The following CFAP299 variants were observed in gnomAD, a reference collection of about 807,000 sequenced individuals.
CFAP299 encodes the protein cilia- and flagella-associated protein 299.
CFAP299 carries 21 observed loss-of-function variants against 27.0 expected under a neutral mutation model. The ratio of observed to expected loss-of-function variants is 0.78; its 90% CI spans 0.55 to 1.12. CFAP299 has a LOEUF of 1.12. CFAP299 is among the 50% of genes most tolerant of loss of function. The pLI, the probability that CFAP299 is intolerant of heterozygous loss-of-function variation, is 0.00. For missense variants in CFAP299, 310 were observed against 276.6 expected (o/e 1.12, Z -0.86); for synonymous variants, 104 against 98.1 (o/e 1.06, Z -0.36).
intron 3 of CFAP299, among the ~76,000 whole-genome samples, chr4:80,710,790 C>A (rs907692422): frequency 6.6e-6 from 1 of 151,868 alleles, no homozygotes; most frequent in Non-Finnish European, 1.5e-5. Flanking sequence ...TCCATCAGAC[C>A]GTACACATAA....
chr4:80,869,487 C>A (rs923439021), intron 3 of CFAP299, among the ~76,000 whole-genome samples: 1 of 152,144 alleles, frequency 6.6e-6, no homozygotes, highest in African/African-American at 2.4e-5. Context: ...TTTCGTTTTT[C>A]AACTGGAATA....
intron 3 of CFAP299, among the ~76,000 whole-genome samples, chr4:80,807,462 A>T (rs1471104943): frequency 6.6e-6 from 1 of 152,128 alleles, no homozygotes; most frequent in Non-Finnish European, 1.5e-5. Flanking sequence ...GGTACCAGAG[A>T]AAGGTCAGAA....
intron 2 of CFAP299, among the ~76,000 whole-genome samples, chr4:80,561,224 C>G (rs934082499): frequency 1.3e-5 from 2 of 152,134 alleles, no homozygotes; most frequent in Non-Finnish European, 2.9e-5. Context: ...AAGGTGGTAC[C>G]TCTATGAGCC....
intron 2 of CFAP299, among the ~76,000 whole-genome samples, chr4:80,519,195 T>TATGA (rs1385345285): frequency 7.7e-6 from 1 of 130,464 alleles, no homozygotes; most frequent in East Asian, 3.0e-4. Context: ...TGTGTGTGTG[T>TATGA]GTATGTGTGT....
chr4:80,868,995 G>C (rs768218347), intron 3 of CFAP299, among the ~76,000 whole-genome samples: 4 of 150,370 alleles, frequency 2.7e-5, no homozygotes, highest in African/African-American at 2.4e-5. Context: ...ATGGTGAAAA[G>C]ATGTCCAGCA....
At chr4:80,695,771 C>T (rs1320469761) in intron 3 of CFAP299, among the ~76,000 whole-genome samples, 2 of 150,386 alleles carry the variant, frequency 1.3e-5, no homozygotes, top group Non-Finnish European at 2.9e-5. Flanking sequence ...CTTCTGGGCT[C>T]AAGTGGTCAT....
chr4:80,805,261 T>A lies in CFAP299; in HGVS notation c.334-64732T>A, dbSNP rs531163755. Among the ~76,000 whole-genome samples, 7 of 152,166 alleles carry A rather than the reference T, an allele frequency of 4.6e-5. No individual in the cohort carries two copies. The South Asian group carries it at 1.2e-3, about 27-fold the overall frequency. On this transcript the variant is annotated intron_variant, in intron 3 of 5. Coordinates refer to ENST00000358105, the MANE Select transcript of CFAP299 (RefSeq NM_152770.3). Reference sequence around the variant, plus strand: ...TAATATTGAGAGAGATAAAAGTCACTTCTACAAATTTTCACTATATTCTTT... The same window carrying A: ...TAATATTGAGAGAGATAAAAGTCACATCTACAAATTTTCACTATATTCTTT...
At chr4:80,829,396 G>A (rs1353134097) in intron 3 of CFAP299, among the ~76,000 whole-genome samples, 1 of 152,020 alleles carries the variant, frequency 6.6e-6, no homozygotes, top group African/African-American at 2.4e-5. Context: ...TCACCCATTA[G>A]GATGGATACT....
chr4:80,695,887 C>G lies in CFAP299; in HGVS notation c.333+112704C>G, dbSNP rs72864825. ...TGCCCAGGCTTGTCTCAAACTCAATCAATCTGCTTACCTTGGCTTCCCAAA... is the reference window on the plus strand; with the variant it reads ...TGCCCAGGCTTGTCTCAAACTCAATGAATCTGCTTACCTTGGCTTCCCAAA... On this transcript the variant is annotated intron_variant, in intron 3 of 5. Coordinates refer to ENST00000358105, the MANE Select transcript of CFAP299 (RefSeq NM_152770.3). Among the ~76,000 whole-genome samples, 454 of 152,152 alleles carry G rather than the reference C, an allele frequency of 3.0e-3. 1 individual carries two copies. Among genetic ancestry groups the G allele is most frequent in the African/African-American group, 0.011 (436 of 41,522 alleles).
intron 3 of CFAP299, among the ~76,000 whole-genome samples, chr4:80,729,920 T>A (rs1341716400): frequency 3.9e-5 from 6 of 152,058 alleles, no homozygotes; most frequent in Non-Finnish European, 8.8e-5. Context: ...TATTTTTAAA[T>A]TTAAGTTTAC....
At chr4:80,475,318 G>T (rs1202223187) in intron 2 of CFAP299, among the ~76,000 whole-genome samples, 1 of 152,228 alleles carries the variant, frequency 6.6e-6, no homozygotes, top group Non-Finnish European at 1.5e-5. Flanking sequence ...AGGCAGACCA[G>T]TTACCGGATA....
intron 4 of CFAP299, among the ~76,000 whole-genome samples, chr4:80,941,638 C>A (rs931228753): frequency 9.2e-5 from 14 of 152,178 alleles, no homozygotes; most frequent in African/African-American, 3.4e-4. Flanking sequence ...AAAGAAACAT[C>A]TGAGACTGGG....
chr4:80,439,750 G>T (rs1339126697), intron 2 of CFAP299, among the ~76,000 whole-genome samples: 7 of 152,152 alleles, frequency 4.6e-5, no homozygotes. Flanking sequence ...GTCTTGTTCA[G>T]CAGGTCCCAC....
chr4:80,641,232 T>C (rs1739710747), intron 3 of CFAP299, among the ~76,000 whole-genome samples: 1 of 152,082 alleles, frequency 6.6e-6, no homozygotes. Context: ...CGAGACAGAG[T>C]CTTGCTGTGT....
intron 3 of CFAP299, among the ~76,000 whole-genome samples, chr4:80,814,445 C>T (rs1350820240): frequency 6.6e-6 from 1 of 151,836 alleles, no homozygotes; most frequent in Non-Finnish European, 1.5e-5. Flanking sequence ...GTTTTGAAGG[C>T]CGTTAGATAG....
At position 80,420,351 on chromosome 4, in the gene CFAP299, C is replaced by A. The variant is rs1462366959; in HGVS notation, c.242+57467C>A. ...AAGTTTGCAGGGATGCTTCTGTTTGCAGGCCCTCTGAACAGTCATCTCAAA... is the reference window on the plus strand; with the variant it reads ...AAGTTTGCAGGGATGCTTCTGTTTGAAGGCCCTCTGAACAGTCATCTCAAA... On this transcript the variant is annotated intron_variant, in intron 2 of 5. Coordinates refer to ENST00000358105, the MANE Select transcript of CFAP299 (RefSeq NM_152770.3). The A allele has an allele frequency of 1.3e-5, 5 of 390,924 alleles. No individual in the cohort carries two copies. In the Admixed American group the frequency reaches 1.4e-4, roughly 11 times the overall value. The allele number at this position is 390,924 out of a possible 1,614,324, so 24.2% of individuals were successfully genotyped here.
intron 2 of CFAP299, among the ~76,000 whole-genome samples, chr4:80,432,398 G>T (rs1727862244): frequency 6.6e-6 from 1 of 152,148 alleles, no homozygotes; most frequent in Non-Finnish European, 1.5e-5. Flanking sequence ...TGATCCACCT[G>T]TCTTGGCCTC....
chr4:80,579,336 A>G (rs1736050277), intron 2 of CFAP299, among the ~76,000 whole-genome samples: 1 of 152,192 alleles, frequency 6.6e-6, no homozygotes, highest in Non-Finnish European at 1.5e-5. Context: ...AAAGTTAGTG[A>G]CATGAACATA....
At chr4:80,369,257 A>T (rs1319166244) in intron 2 of CFAP299, among the ~76,000 whole-genome samples, 1 of 152,204 alleles carries the variant, frequency 6.6e-6, no homozygotes, top group Non-Finnish European at 1.5e-5. Context: ...TAACATACAG[A>T]TCTACTTCAT....
Sources: gnomAD v4.1 joint callset for allele counts (sites outside exome capture counted in the v4.1 genomes callset) on GRCh38, gnomAD v4.1.1 for gene constraint, MANE v1.5 for transcripts, NCBI Gene and HGNC (gene_info 2026-07-23, HGNC 2026-07-21) for gene names.